KBTBD11: variants seen among roughly 807,000 people sequenced by gnomAD.
KBTBD11 encodes the protein kelch repeat and BTB domain-containing protein 11.
For missense variants in KBTBD11, 1,390 were observed against 1,001.8 expected (o/e 1.39, Z -5.23); for synonymous variants, 747 against 499.0 (o/e 1.50, Z -6.63).
intron 1 of KBTBD11, chr8:1,976,134 G>A (rs1317804373): frequency 1.3e-5 from 2 of 152,218 alleles, no homozygotes; most frequent in African/African-American, 4.8e-5. Context: ...GAGGACTGGT[G>A]TCTGAGTGGG....
chr8:1,974,025 G>A (rs1816218493), intron 1 of KBTBD11, 90 bp downstream of exon 1: 4 of 337,944 alleles, frequency 1.2e-5, no homozygotes, highest in African/African-American at 2.3e-5. Context: ...CGGCGGGTGG[G>A]AGGTGGTCGG....
Position 1,993,379 on chromosome 8 carries a change from G to A in KBTBD11, c.-908-6906G>A, listed in dbSNP as rs1295851852. Among the ~76,000 whole-genome samples, 17 of 131,402 alleles carry A rather than the reference G, an allele frequency of 1.3e-4. 1 individual carries two copies. The highest frequency in any genetic ancestry group is 2.3e-4 in the East Asian group (1 of 4,330). The allele number at this position is 131,402 out of a possible 152,430, so 86.2% of individuals were successfully genotyped here. Reference sequence around the variant, plus strand: ...CATCGGTCCATCCGTCCGTCCGTCCGTCCGTCCGTCCGTCCATCCATCCAT... The same window carrying A: ...CATCGGTCCATCCGTCCGTCCGTCCATCCGTCCGTCCGTCCATCCATCCAT... On this transcript the variant is annotated intron_variant, in intron 1 of 1. Transcript: ENST00000320248.
intron 1 of KBTBD11, chr8:1,975,892 G>A (rs985115003): frequency 2.6e-5 from 4 of 152,182 alleles, no homozygotes; most frequent in African/African-American, 9.7e-5. Flanking sequence ...CATATGTTCC[G>A]GTACAGGTAG....
intron 1 of KBTBD11, among the ~76,000 whole-genome samples, chr8:1,988,180 T>A (rs1269664029): frequency 5.3e-5 from 8 of 152,232 alleles, no homozygotes; most frequent in African/African-American, 2.4e-5. Flanking sequence ...TGAATAGTGC[T>A]GCTATAAACA....
chr8:1,982,860 GGATTA>G (rs1435951368), intron 1 of KBTBD11, among the ~76,000 whole-genome samples: 1 of 151,862 alleles, frequency 6.6e-6, no homozygotes, highest in African/African-American at 2.4e-5. Flanking sequence ...TGAGTAGCTG[GGATTA>G]TAGGCACACA....
intron 1 of KBTBD11, among the ~76,000 whole-genome samples, chr8:1,992,460 G>T (rs1286514302): frequency 6.6e-6 from 1 of 152,072 alleles, no homozygotes; most frequent in African/African-American, 2.4e-5. Flanking sequence ...TCTTAAATTG[G>T]AAGCGGGGGT....
chr8:1,988,827 G>C (rs972946393), intron 1 of KBTBD11, among the ~76,000 whole-genome samples: 2 of 151,124 alleles, frequency 1.3e-5, no homozygotes, highest in African/African-American at 4.9e-5. Flanking sequence ...ATATATGTCT[G>C]CTAAGTAAAT....
rs1040781150 is a variant in KBTBD11, at chr8:2,002,732, G to A, written c.1540G>A (p.Ala514Thr). 2.0e-6 allele frequency: 3 copies of A among 1,504,446 alleles called. No individual in the cohort carries two copies. Among genetic ancestry groups the A allele is most frequent in the Admixed American group, 2.1e-5 (1 of 47,340 alleles). The allele number at this position is 1,504,446 out of a possible 1,614,324, so 93.2% of individuals were successfully genotyped here. A position where few individuals can be genotyped will look rare whatever the true frequency, so the allele number is the denominator to read the frequency against. Residue 514 changes from alanine (A) to threonine (T), a missense_variant, in exon 2 of 2, where the codon GCG becomes ACG. Coordinates refer to ENST00000320248, the MANE Select transcript of KBTBD11 (RefSeq NM_014867.3). This position sits in a 1 kb window ranked among gnomAD's most constrained non-coding sequence, Gnocchi z 4.1. ...CGATCTGAGCGGCAGCCGCGGCGAG[G>A]CGCAGGCGGCGGGGCCGAGCGGGGT... ...RFDLSGSRGE[A>T]QAAGPSGVSV...
rs1428515598 is a variant in KBTBD11 at position 2,003,035 on chromosome 8, C to T, written c.1843C>T (p.Pro615Ser). The change falls in exon 2 of 2, where the codon CCG becomes TCG. Residue 615 changes from proline to serine, a missense_variant. By Grantham distance (74) the Pro-to-Ser change is moderately conservative. Transcript: ENST00000320248. ...GTTCGCTCTCAGCCTGCCTGAGAAG[C>T]CGCCCCGAGGGGAGCAGGGCGCCCC... The part of the protein sequence containing the change: ...IPFALSLPEK[P>S]PRGEQGAP 6 of 1,274,564 alleles carry T rather than the reference C, an allele frequency of 4.7e-6. No homozygotes were observed. In the South Asian group the frequency reaches 1.1e-4, roughly 23 times the overall value. 79.0% of individuals were successfully genotyped at this position (1,274,564 alleles called of 1,614,324 possible). A position where few individuals can be genotyped will look rare whatever the true frequency, so the allele number is the denominator to read the frequency against.
chr8:2,001,889 C>T lies in KBTBD11; in HGVS notation c.697C>T (p.Leu233=), dbSNP rs761729405. Residue 233 remains leucine (L), a synonymous_variant, in exon 2 of 2, where the codon CTG becomes TTG. Transcript: ENST00000320248. ...ATDAVGPQLS[L]ANCYEVLSAA... ...CGACGCCGTGGGGCCGCAGCTGAGC[C>T]TGGCCAACTGCTACGAGGTCCTGAG... 4 of 1,402,100 alleles carry T rather than the reference C, an allele frequency of 2.9e-6. No homozygotes were observed. Among genetic ancestry groups the T allele is most frequent in the South Asian group, 1.3e-5 (1 of 75,704 alleles). 86.9% of individuals were successfully genotyped at this position (1,402,100 alleles called of 1,614,324 possible).
Position 2,005,373 on chromosome 8 carries a change from A to G in KBTBD11, c.*2309A>G, listed in dbSNP as rs1817541245. On this transcript the variant is annotated 3_prime_UTR_variant, in exon 2 of 2. Coordinates refer to ENST00000320248, the MANE Select transcript of KBTBD11 (RefSeq NM_014867.3). Reference sequence around the variant, plus strand: ...CCACAGTTCTGAATAGTGATATCACATAAAAATACATACTAGAGGACCTGC... The same window carrying G: ...CCACAGTTCTGAATAGTGATATCACGTAAAAATACATACTAGAGGACCTGC... 6.0e-6 allele frequency: 1 copy of G among 167,152 alleles called. No individual in the cohort carries two copies. Among genetic ancestry groups the G allele is most frequent in the Admixed American group, 6.5e-5 (1 of 15,298 alleles). The allele number at this position is 167,152 out of a possible 1,614,324, so 10.4% of individuals were successfully genotyped here.
Position 2,003,754 on chromosome 8 carries a change from G to C in KBTBD11, c.*690G>C, listed in dbSNP as rs1440303720. On this transcript the variant is annotated 3_prime_UTR_variant, in exon 2 of 2. Transcript: ENST00000320248. ...TCCGTCTCACTGTTGGACCGAGGGG[G>C]CTTTCATATTTTCAGTTGAAAGGAT... 1.2e-5 allele frequency: 2 copies of C among 167,140 alleles called. No homozygotes were observed. Among genetic ancestry groups the C allele is most frequent in the Middle Eastern group, 3.4e-3 (1 of 296 alleles). The allele number at this position is 167,140 out of a possible 1,614,324, so 10.4% of individuals were successfully genotyped here.
At position 2,002,887 on chromosome 8, in the gene KBTBD11, G is replaced by A; in HGVS notation, c.1695G>A (p.Val565=). ...CAALDGAIYC[V]SRAGTWRFQP... is the part of the protein sequence containing the mutation. ...CCCTGGACGGCGCCATCTACTGCGT[G>A]AGCCGCGCGGGCACCTGGCGCTTCC... Residue 565 remains valine, a synonymous_variant, in exon 2 of 2, where the codon GTG becomes GTA. Transcript: ENST00000320248. This position sits in a 1 kb window ranked among gnomAD's most constrained non-coding sequence, Gnocchi z 4.1. 1.5e-6 allele frequency: 2 copies of A among 1,326,080 alleles called. No individual in the cohort carries two copies. Among genetic ancestry groups the A allele is most frequent in the East Asian group, 3.1e-5 (1 of 31,854 alleles). The allele number at this position is 1,326,080 out of a possible 1,614,324, so 82.1% of individuals were successfully genotyped here. A position where few individuals can be genotyped will look rare whatever the true frequency, so the allele number is the denominator to read the frequency against.
chr8:1,975,248 C>T (rs4876260), intron 1 of KBTBD11: 85,490 of 152,194 alleles, frequency 0.56, 24,773 homozygotes, highest in East Asian at 0.75. Flanking sequence ...TTTGAACTTT[C>T]CATGTCAGTT....
At chr8:1,985,092 C>T (rs1426620277) in intron 1 of KBTBD11, among the ~76,000 whole-genome samples, 2 of 152,256 alleles carry the variant, frequency 1.3e-5, no homozygotes, top group African/African-American at 4.8e-5. Context: ...AGAAGCCCTT[C>T]TGTAGGAACT....
intron 1 of KBTBD11, among the ~76,000 whole-genome samples, chr8:1,993,240 C>T (rs539045217): frequency 6.6e-6 from 1 of 152,274 alleles, no homozygotes; most frequent in South Asian, 2.1e-4. Flanking sequence ...AGCCACCATG[C>T]CTGGCCTCTG....
intron 1 of KBTBD11, among the ~76,000 whole-genome samples, chr8:1,987,722 G>GC (rs1180207725): frequency 8.3e-6 from 1 of 121,054 alleles, no homozygotes; most frequent in African/African-American, 3.3e-5. Context: ...ATCTTTTGGA[G>GC]CCTTTATTAT....
At chr8:1,990,099 C>T (rs563020014) in intron 1 of KBTBD11, among the ~76,000 whole-genome samples, 2 of 152,294 alleles carry the variant, frequency 1.3e-5, no homozygotes, top group Non-Finnish European at 2.9e-5. Flanking sequence ...GGAATGAAGA[C>T]GCTGGTAGAT....
Position 2,001,890 on chromosome 8 carries a change from T to A in KBTBD11, c.698T>A (p.Leu233Gln), listed in dbSNP as rs1817381550. ...ATDAVGPQLS[L>Q]ANCYEVLSAA... ...GACGCCGTGGGGCCGCAGCTGAGCC[T>A]GGCCAACTGCTACGAGGTCCTGAGC... The change falls in exon 2 of 2, where the codon CTG becomes CAG. Residue 233 changes from leucine (L) to glutamine (Q), a missense_variant. Coordinates refer to ENST00000320248, the MANE Select transcript of KBTBD11 (RefSeq NM_014867.3). The A allele has an allele frequency of 2.1e-6, 3 of 1,402,450 alleles. No individual in the cohort carries two copies. The African/African-American group carries it at 4.5e-5, about 21-fold the overall frequency. The allele number at this position is 1,402,450 out of a possible 1,614,324, so 86.9% of individuals were successfully genotyped here.
Sources: gnomAD v4.1 joint callset for allele counts (sites outside exome capture counted in the v4.1 genomes callset) on GRCh38, gnomAD v4.1.1 for gene constraint, Gnocchi (gnomAD v3.1) non-coding constraint, MANE v1.5 for transcripts, NCBI Gene and HGNC (gene_info 2026-07-23, HGNC 2026-07-21) for gene names.